The following FMO5 variants were observed in gnomAD, a reference collection of about 807,000 sequenced individuals.
FMO5 encodes flavin containing dimethylaniline monoxygenase 5.
Under a neutral mutation model 43.6 loss-of-function variants are expected in FMO5, and 51 were observed. The ratio of observed to expected loss-of-function variants is 1.17; its 90% CI spans 0.93 to 1.48. The LOEUF (loss-of-function observed/expected upper bound fraction) is 1.48, where lower values mean the gene tolerates loss of function less well. Among genes scored for constraint, FMO5 ranks in the 40% most tolerant of loss-of-function variants. The probability of loss-of-function intolerance (pLI) is 0.00; values close to 1 mark genes in which losing one functional copy is unlikely to be tolerated. For synonymous variants in FMO5, 187 were observed against 216.5 expected (o/e 0.86, Z 1.20); for missense variants, 644 against 643.0 (o/e 1.00, Z -0.02).
chr1:147,212,274 C>A, intron 5 of FMO5, 119 bp downstream of exon 5: 1 of 1,019,356 alleles, frequency 9.8e-7, no homozygotes, highest in Admixed American at 2.2e-5. Context: ...CTATATTTGC[C>A]ACTGGCACTG....
At position 147,225,026 on chromosome 1, in the gene FMO5, T is replaced by G; in HGVS notation, c.4A>C (p.Thr2Pro). Residue 2 changes from threonine to proline, a missense_variant, in exon 2 of 9, where the codon ACT becomes CCT. By Grantham distance (38) the Thr-to-Pro change is conservative. Coordinates refer to ENST00000254090, the MANE Select transcript of FMO5 (RefSeq NM_001461.4). Reference protein sequence around the residue: MTKKRIAVIGGG... With the variant: MPKKRIAVIGGG... ...CCAATCACAGCAATTCTTTTCTTAGTCATGGTCTCCCGAGATCTTCACCTG... is the reference window on the plus strand; with the variant it reads ...CCAATCACAGCAATTCTTTTCTTAGGCATGGTCTCCCGAGATCTTCACCTG... 8 of 1,549,238 alleles carry G rather than the reference T, an allele frequency of 5.2e-6. No homozygotes were observed. The highest frequency in any genetic ancestry group is 7.0e-6 in the Non-Finnish European group (8 of 1,149,602).
chr1:147,221,315 C>T (rs1553926222), intron 2 of FMO5, among the ~76,000 whole-genome samples: 2 of 152,112 alleles, frequency 1.3e-5, no homozygotes, highest in Non-Finnish European at 2.9e-5. Flanking sequence ...TTGGTTCATT[C>T]ATTATTTAAA....
intron 6 of FMO5, chr1:147,204,380 G>T: frequency 9.5e-7 from 1 of 1,057,278 alleles, no homozygotes; most frequent in Non-Finnish European, 1.5e-6. Flanking sequence ...ACGCATGCCT[G>T]AACAATAAGC....
chr1:147,225,695 C>T (rs1209651391), upstream of FMO5: 2 of 152,582 alleles, frequency 1.3e-5, no homozygotes, highest in Non-Finnish European at 2.9e-5. Context: ...ACCCCAAAGC[C>T]AGTTCTACTC....
At chr1:147,204,440 G>T in intron 6 of FMO5, 1 of 1,252,604 alleles carries the variant, frequency 8.0e-7, no homozygotes, top group East Asian at 2.3e-5. Context: ...ACAGAGGTAC[G>T]AAGTAGAGAT....
chr1:147,210,624 T>A (rs587638926), intron 5 of FMO5: 1 of 152,142 alleles, frequency 6.6e-6, no homozygotes, highest in Non-Finnish European at 1.5e-5. Context: ...TTCTGCTGAG[T>A]AATGAAAACG....
chr1:147,225,391 G>A (rs1663873059), upstream of FMO5: 1 of 216,748 alleles, frequency 4.6e-6, no homozygotes, highest in Non-Finnish European at 9.4e-6. Flanking sequence ...CAAACAGCGA[G>A]AGCCAACGGG....
At chr1:147,204,379 T>A (rs1659584716) in intron 6 of FMO5, 1 of 1,054,724 alleles carries the variant, frequency 9.5e-7, no homozygotes, top group Non-Finnish European at 1.5e-6. Flanking sequence ...TACGCATGCC[T>A]GAACAATAAG....
intron 3 of FMO5, 108 bp from the exon 4 acceptor site, chr1:147,213,578 G>A (rs1661440346): frequency 2.2e-6 from 2 of 897,392 alleles, no homozygotes; most frequent in East Asian, 2.8e-5. Context: ...TAGGACCCAT[G>A]CAGGGATATT....
chr1:147,212,369 A>T (rs1294103405), intron 5 of FMO5, 24 bp downstream of exon 5: 4 of 1,612,916 alleles, frequency 2.5e-6, no homozygotes, highest in Middle Eastern at 3.3e-4. Context: ...TAAGCAACGT[A>T]AATAATAATT....
chr1:147,184,460 G>A (rs1280887708), downstream of FMO5: 4 of 1,403,344 alleles, frequency 2.9e-6, no homozygotes, highest in East Asian at 1.1e-4. The surrounding 1 kb of genome is among the most constrained non-coding windows in gnomAD (Gnocchi z 4.4). Context: ...TGTTGCAGGA[G>A]TCCATCCAGG....
Position 147,208,938 on chromosome 1 carries a change from A to T in FMO5, c.744T>A (p.Cys248Ter). Residue 248 changes from cysteine (C) to a stop codon, truncating the protein, a stop_gained, in exon 6 of 9, where the codon TGT becomes TGA. Coordinates refer to ENST00000254090, the MANE Select transcript of FMO5 (RefSeq NM_001461.4). LOFTEE classifies it high-confidence loss of function. ...AATATTTGTTTGCTAATGATTGGCC[A>T]CAGATCTTCCATATAAAATGTGTAA... ...SRLTHFIWKI[C>*]GQSLANKYLE... 1 of 1,614,148 alleles carries T rather than the reference A, an allele frequency of 6.2e-7. No homozygotes were observed. The highest frequency in any genetic ancestry group is 8.5e-7 in the Non-Finnish European group (1 of 1,179,966).
At position 147,186,322 on chromosome 1, in the gene FMO5, T is replaced by C. The variant is rs1352711793; in HGVS notation, c.*578A>G. The C allele has an allele frequency of 8.1e-6, 8 of 982,310 alleles. No homozygotes were observed. In the Middle Eastern group the frequency reaches 1.6e-3, roughly 193 times the overall value. The allele number at this position is 982,310 out of a possible 1,614,324, so 60.8% of individuals were successfully genotyped here. On this transcript the variant is annotated 3_prime_UTR_variant, in exon 9 of 9. Transcript: ENST00000254090. Reference sequence around the variant, plus strand: ...GGTTCCTAAGGAAAAGGGCTAAAAATGACCATGTTTCAAGTACACTAGTGA... The same window carrying C: ...GGTTCCTAAGGAAAAGGGCTAAAAACGACCATGTTTCAAGTACACTAGTGA...
At chr1:147,191,724 C>T (rs1328395353) in intron 7 of FMO5, among the ~76,000 whole-genome samples, 1 of 151,906 alleles carries the variant, frequency 6.6e-6, no homozygotes, top group African/African-American at 2.4e-5. Context: ...CAGCTTTCTA[C>T]ATATGGCTAG....
At chr1:147,196,608 A>G (rs1658054414) in intron 7 of FMO5, among the ~76,000 whole-genome samples, 1 of 152,090 alleles carries the variant, frequency 6.6e-6, no homozygotes, top group South Asian at 2.1e-4. Context: ...AAATTAAAAA[A>G]TTTTAAAAAG....
At chr1:147,217,023 C>G (rs587651910) in intron 2 of FMO5, among the ~76,000 whole-genome samples, 7 of 151,552 alleles carry the variant, frequency 4.6e-5, no homozygotes, top group African/African-American at 1.7e-4. Context: ...GGTAGATCAT[C>G]TGAGGTCGGG....
At chr1:147,187,596 T>A (rs1655858555) in intron 8 of FMO5, among the ~76,000 whole-genome samples, 1 of 152,044 alleles carries the variant, frequency 6.6e-6, no homozygotes, top group Admixed American at 6.6e-5. Context: ...GACTCTGATG[T>A]TATGAGAAAG....
intron 2 of FMO5, among the ~76,000 whole-genome samples, chr1:147,221,054 A>C (rs1662925470): frequency 6.6e-6 from 1 of 152,036 alleles, no homozygotes; most frequent in Non-Finnish European, 1.5e-5. Flanking sequence ...ACCCCAATTT[A>C]ACCATGAGAA....
chr1:147,212,886 A>T (rs891539673), intron 4 of FMO5, among the ~76,000 whole-genome samples: 1 of 152,056 alleles, frequency 6.6e-6, no homozygotes, highest in Non-Finnish European at 1.5e-5. Context: ...ATATATTCTT[A>T]TATACTTTAG....
Sources: allele counts gnomAD v4.1 joint callset (sites outside exome capture counted in the v4.1 genomes callset), GRCh38; gene constraint gnomAD v4.1.1; non-coding constraint Gnocchi (gnomAD v3.1); transcripts MANE v1.5; gene names NCBI Gene and HGNC (gene_info 2026-07-23, HGNC 2026-07-21).